PTGFR: variants seen among roughly 807,000 people sequenced by gnomAD.
The protein encoded by PTGFR is prostaglandin F2-alpha receptor.
In PTGFR, 15 loss-of-function variants were observed where a neutral mutation model predicts 26.2. The ratio of observed to expected loss-of-function variants is 0.57; its 90% CI spans 0.38 to 0.88. The LOEUF (loss-of-function observed/expected upper bound fraction) is 0.88, where lower values mean the gene tolerates loss of function less well. Among genes scored for constraint, PTGFR ranks in the 40% least tolerant of loss-of-function variants. The pLI, the probability that PTGFR is intolerant of heterozygous loss-of-function variation, is 0.00. For synonymous variants in PTGFR, 165 were observed against 151.1 expected (o/e 1.09, Z -0.68); for missense variants, 369 against 427.2 (o/e 0.86, Z 1.20).
chr1:78,497,935 T>C, intron 2 of PTGFR: 1 of 1,586,868 alleles, frequency 6.3e-7, no homozygotes, highest in Non-Finnish European at 8.6e-7. Context: ...CAAAGTGATT[T>C]CTTACATAGG....
chr1:78,501,651 T>C (rs1326022895), intron 2 of PTGFR, among the ~76,000 whole-genome samples: 2 of 152,076 alleles, frequency 1.3e-5, no homozygotes, highest in Admixed American at 6.6e-5. Flanking sequence ...ACAGAGACAA[T>C]TGGATTATGT....
At chr1:78,491,779 G>C (rs1000556489) in intron 1 of PTGFR, among the ~76,000 whole-genome samples, 1 of 152,220 alleles carries the variant, frequency 6.6e-6, no homozygotes, top group African/African-American at 2.4e-5. Flanking sequence ...GGAAAGGCTG[G>C]CTCCGGAATT....
At chr1:78,517,526 G>T (rs755308429) in intron 2 of PTGFR, among the ~76,000 whole-genome samples, 2 of 152,174 alleles carry the variant, frequency 1.3e-5, no homozygotes, top group Non-Finnish European at 2.9e-5. Context: ...ACAAAAAGGA[G>T]CCAGCCATGG....
intron 2 of PTGFR, among the ~76,000 whole-genome samples, chr1:78,516,365 A>G (rs1570285261): frequency 6.6e-6 from 1 of 152,182 alleles, no homozygotes; most frequent in African/African-American, 2.4e-5. Flanking sequence ...AATTGTCTTC[A>G]GATTTAAGTC....
At chr1:78,502,214 G>A (rs1649722891) in intron 2 of PTGFR, among the ~76,000 whole-genome samples, 1 of 152,132 alleles carries the variant, frequency 6.6e-6, no homozygotes, top group African/African-American at 2.4e-5. Context: ...GATCAGAGTT[G>A]TGAGTGGTAC....
chr1:78,498,955 G>T (rs1052962737), intron 2 of PTGFR, among the ~76,000 whole-genome samples: 1 of 152,146 alleles, frequency 6.6e-6, no homozygotes, highest in African/African-American at 2.4e-5. Context: ...TTGTAACTTA[G>T]ACCTCAACAA....
At chr1:78,493,707 C>G (rs1482605891) in intron 2 of PTGFR, among the ~76,000 whole-genome samples, 166 bp downstream of exon 2, 2 of 152,316 alleles carry the variant, frequency 1.3e-5, no homozygotes, top group East Asian at 3.9e-4. Context: ...CATATGGTTA[C>G]TTTCCCACAA....
chr1:78,501,045 TATC>T (rs2100356785), intron 2 of PTGFR, among the ~76,000 whole-genome samples: 2 of 152,250 alleles, frequency 1.3e-5, no homozygotes, highest in East Asian at 3.9e-4. Context: ...TGCCCAAAGA[TATC>T]ATAGACATCG....
chr1:78,528,715 C>T (rs546907536), intron 2 of PTGFR, among the ~76,000 whole-genome samples: 1 of 152,068 alleles, frequency 6.6e-6, no homozygotes, highest in African/African-American at 2.4e-5. Context: ...AGATAGATGC[C>T]GAGGCACAGG....
At chr1:78,515,874 CA>C (rs1650080693) in intron 2 of PTGFR, among the ~76,000 whole-genome samples, 1 of 152,134 alleles carries the variant, frequency 6.6e-6, no homozygotes, top group Non-Finnish European at 1.5e-5. Flanking sequence ...AAATGCAGCT[CA>C]TCCTTTAGGA....
At chr1:78,496,217 A>G (rs1649549234) in intron 2 of PTGFR, among the ~76,000 whole-genome samples, 1 of 152,188 alleles carries the variant, frequency 6.6e-6, no homozygotes, top group Non-Finnish European at 1.5e-5. Context: ...AGGCTTAAGA[A>G]TCTCAAAATA....
chr1:78,496,654 T>G (rs757340834), intron 2 of PTGFR, among the ~76,000 whole-genome samples: 3 of 152,186 alleles, frequency 2.0e-5, no homozygotes, highest in Non-Finnish European at 4.4e-5. Context: ...AACTTGTCAA[T>G]AGTGGCATAA....
At chr1:78,534,574 G>C (rs944232174) in intron 2 of PTGFR, among the ~76,000 whole-genome samples, 1 of 152,150 alleles carries the variant, frequency 6.6e-6, no homozygotes, top group African/African-American at 2.4e-5. Flanking sequence ...TAAAAAATTA[G>C]TGAATTTGAG....
chr1:78,518,580 ACACACACACAC>A (rs1650149008), intron 2 of PTGFR, among the ~76,000 whole-genome samples: 2 of 75,532 alleles, frequency 2.6e-5, no homozygotes, highest in African/African-American at 1.3e-4. Flanking sequence ...ACACACACAC[ACACACACACAC>A]ACACACACAC....
At position 78,538,139 on chromosome 1, in the gene PTGFR, A is replaced by T. The variant is rs902239365; in HGVS notation, c.*1452A>T. 1.3e-5 allele frequency: 2 copies of T among 152,122 alleles called. No individual in the cohort carries two copies. The highest frequency in any genetic ancestry group is 2.9e-5 in the Non-Finnish European group (2 of 68,006). 9.4% of individuals were successfully genotyped at this position (152,122 alleles called of 1,614,324 possible). Reference sequence around the variant, plus strand: ...TTTCAGCAGAGAATTTATTTCATACAGTTACTTAAGAGTGTTGATGTCTTG... The same window carrying T: ...TTTCAGCAGAGAATTTATTTCATACTGTTACTTAAGAGTGTTGATGTCTTG... On this transcript the variant is annotated 3_prime_UTR_variant, in exon 3 of 3. Coordinates refer to ENST00000370757, the MANE Select transcript of PTGFR (RefSeq NM_000959.4).
At position 78,492,736 on chromosome 1, in the gene PTGFR, C is replaced by G. The variant is rs1123154; in HGVS notation, c.-8C>G. On this transcript the variant is annotated 5_prime_UTR_variant, in exon 2 of 3. Coordinates refer to ENST00000370757, the MANE Select transcript of PTGFR (RefSeq NM_000959.4). ...TGACTTGAGTGGTTGGCTTTTATCT[C>G]CACAACAATGTCCATGAACAATTCC... 6.2e-7 allele frequency: 1 copy of G among 1,602,698 alleles called. No individual in the cohort carries two copies. The highest frequency in any genetic ancestry group is 1.1e-5 in the South Asian group (1 of 88,774).
chr1:78,523,486 G>C (rs924440163), intron 2 of PTGFR, among the ~76,000 whole-genome samples: 2 of 152,078 alleles, frequency 1.3e-5, no homozygotes, highest in Non-Finnish European at 2.9e-5. Context: ...AAGTGGTCAT[G>C]AAAAGAAGTC....
chr1:78,514,762 G>A (rs1650053955), intron 2 of PTGFR, among the ~76,000 whole-genome samples: 1 of 152,116 alleles, frequency 6.6e-6, no homozygotes, highest in African/African-American at 2.4e-5. Flanking sequence ...AATTATGGGG[G>A]TGAATCCTTT....
chr1:78,513,894 A>G (rs1334402238), intron 2 of PTGFR, among the ~76,000 whole-genome samples: 1 of 152,220 alleles, frequency 6.6e-6, no homozygotes, highest in Non-Finnish European at 1.5e-5. Context: ...CAAGTGTGTA[A>G]GCCTATGGCC....
Sources: allele counts gnomAD v4.1 joint callset (sites outside exome capture counted in the v4.1 genomes callset), GRCh38; gene constraint gnomAD v4.1.1; transcripts MANE v1.5; gene names NCBI Gene and HGNC (gene_info 2026-07-23, HGNC 2026-07-21).